DOCK6: variants seen among roughly 807,000 people sequenced by gnomAD.
DOCK6 encodes the protein dedicator of cytokinesis protein 6.
A neutral mutation model predicts 230.3 loss-of-function variants in DOCK6; 167 were observed. The ratio of observed to expected loss-of-function variants is 0.73; its 90% CI spans 0.64 to 0.82. The LOEUF (loss-of-function observed/expected upper bound fraction) is 0.82, where lower values mean the gene tolerates loss of function less well. DOCK6 is among the 40% of genes least tolerant of loss of function. The pLI, the probability that DOCK6 is intolerant of heterozygous loss-of-function variation, is 0.00. For missense variants in DOCK6, 2,598 were observed against 2,825.8 expected, an observed-to-expected ratio of 0.92 and a Z score of 1.83; for synonymous variants, 1,148 against 1,185.0, an observed-to-expected ratio of 0.97 and a Z score of 0.64.
At position 11,229,009 on chromosome 19, in the gene DOCK6, C is replaced by G; in HGVS notation, c.2745G>C (p.Gln915His). 6.2e-7 allele frequency: 1 copy of G among 1,613,694 alleles called. No homozygotes were observed. The highest frequency in any genetic ancestry group is 2.2e-5 in the East Asian group (1 of 44,876). Residue 915 changes from glutamine to histidine, a missense_variant, in exon 23 of 48, where the codon CAG (glutamine) becomes CAC (histidine). Physicochemically the swap from Gln to His is conservative, Grantham distance 24. Transcript: ENST00000294618. ...SKLLHEELAL[Q>H]WVVSSSAVRE... is the part of the protein sequence containing the mutation. ...GTACGGCACTGCTGCTGACCACCCACTGCAGAGCCAGCTCCTCGTGAAGCA... is the reference window on the plus strand; with the variant it reads ...GTACGGCACTGCTGCTGACCACCCAGTGCAGAGCCAGCTCCTCGTGAAGCA...
intron 15 of DOCK6, 29 bp downstream of exon 15, chr19:11,238,158 C>T (rs956606430): frequency 2.0e-5 from 32 of 1,613,394 alleles, no homozygotes; most frequent in Non-Finnish European, 2.6e-5. Context: ...GGATGCCCTA[C>T]CCCCCTTCCC....
At chr19:11,207,886 C>T (rs368091733) in intron 39 of DOCK6, among the ~76,000 whole-genome samples, 27 of 152,104 alleles carry the variant, frequency 1.8e-4, no homozygotes, top group East Asian at 5.8e-4. Flanking sequence ...GCCATGATCA[C>T]GCCACCGCAC....
Position 11,243,540 on chromosome 19 carries a change from T to C in DOCK6, c.1258+17A>G, listed in dbSNP as rs749190939. On this transcript the variant is annotated intron_variant, in intron 11 of 47. Coordinates refer to ENST00000294618, the MANE Select transcript of DOCK6 (RefSeq NM_020812.4). The surrounding 1 kb of genome is among the most constrained non-coding windows in gnomAD (Gnocchi z 6.3). ...CCCTTTAGCCCCGCCCCAAGCCTGT[T>C]AGCCCCGCCTCCTCACCGCCCTCCG... 20 of 1,585,214 alleles carry C rather than the reference T, an allele frequency of 1.3e-5. No homozygotes were observed. The South Asian group carries it at 2.1e-4, about 16-fold the overall frequency.
chr19:11,222,720 G>A lies in DOCK6; in HGVS notation c.3240+15C>T, dbSNP rs766845216. On this transcript the variant is annotated intron_variant, in intron 26 of 47. Transcript: ENST00000294618. The surrounding 1 kb of genome is among the most constrained non-coding windows in gnomAD (Gnocchi z 4.0). ...TGTAGGTCAAAGAGAGGAGGCAGAA[G>A]TGAAGGCAGCCCACCTGGGAGGTGG... The A allele has an allele frequency of 6.4e-6, 10 of 1,558,096 alleles. No individual in the cohort carries two copies. The South Asian group carries it at 1.1e-4, about 17-fold the overall frequency.
chr19:11,227,274 C>G lies in DOCK6; in HGVS notation c.2955+63G>C, dbSNP rs118181012. 3,395 of 1,588,552 alleles carry G rather than the reference C, an allele frequency of 2.1e-3. 114 individuals are homozygous for G. The East Asian group carries it at 0.068, about 32-fold the overall frequency. On this transcript the variant is annotated intron_variant, in intron 24 of 47. Transcript: ENST00000294618. ...AGACACTGGGCAGGATTGGCGCCCC[C>G]ACCTGGCTGGCTCTATGTCCTCCCT...
At chr19:11,255,092 T>C (rs2080177764) in intron 1 of DOCK6, among the ~76,000 whole-genome samples, 1 of 151,864 alleles carries the variant, frequency 6.6e-6, no homozygotes, top group Non-Finnish European at 1.5e-5. Context: ...CAACACCTGC[T>C]TCCCGGGTTC....
chr19:11,234,624 CCT>C (rs2079818891), intron 21 of DOCK6, among the ~76,000 whole-genome samples: 1 of 143,998 alleles, frequency 6.9e-6, no homozygotes, highest in East Asian at 2.0e-4. Flanking sequence ...TATTATTATC[CCT>C]GTTTTACAAA....
chr19:11,252,647 G>A, intron 3 of DOCK6, 97 bp from the exon 4 acceptor site: 1 of 1,595,048 alleles, frequency 6.3e-7, no homozygotes, highest in South Asian at 1.1e-5. Flanking sequence ...TTCCAGACAA[G>A]GGGAGATGGA....
Position 11,235,591 on chromosome 19 carries a change from AACTC to A in DOCK6, c.2554+3_2554+6del, listed in dbSNP as rs2079832674. 6.3e-7 allele frequency: 1 copy of A among 1,577,434 alleles called. No homozygotes were observed. Among genetic ancestry groups the A allele is most frequent in the Non-Finnish European group, 8.6e-7 (1 of 1,157,058 alleles). On this transcript the variant is annotated splice_donor_5th_base_variant and intron_variant, in intron 21 of 47. Coordinates refer to ENST00000294618, the MANE Select transcript of DOCK6 (RefSeq NM_020812.4). The stretch of plus-strand genomic sequence containing the variant: ...TTCTCGTCTCACAGGGATTTCTACA[AACTC>A]ACCATCCGGGAGGCTGGGCTCAGTG...
At chr19:11,248,652 G>A (rs1419778693) in intron 6 of DOCK6, among the ~76,000 whole-genome samples, 3 of 152,118 alleles carry the variant, frequency 2.0e-5, no homozygotes, top group African/African-American at 7.2e-5. Context: ...AGGAGCCATG[G>A]TGGCTGGGAC....
chr19:11,204,882 A>G (rs2079230957), intron 39 of DOCK6, among the ~76,000 whole-genome samples: 1 of 152,184 alleles, frequency 6.6e-6, no homozygotes, highest in Non-Finnish European at 1.5e-5. Context: ...TGGCACAGGT[A>G]CGATGTACAT....
At chr19:11,205,732 C>A (rs960408739) in intron 39 of DOCK6, 2 of 151,918 alleles carry the variant, frequency 1.3e-5, no homozygotes, top group Non-Finnish European at 2.9e-5. Context: ...GCCTCGGCCT[C>A]CAAAGTGCTG....
chr19:11,247,740 A>G (rs1301643616), intron 7 of DOCK6: 2 of 208,114 alleles, frequency 9.6e-6, no homozygotes, highest in Non-Finnish European at 2.0e-5. Context: ...CAGCCTTACA[A>G]GTTGTATGGT....
intron 37 of DOCK6, among the ~76,000 whole-genome samples, chr19:11,211,228 G>A (rs764982552): frequency 6.6e-6 from 1 of 151,166 alleles, no homozygotes; most frequent in Non-Finnish European, 1.5e-5. Flanking sequence ...TGAGTCACCT[G>A]AACTCACTAT....
At chr19:11,226,095 G>T (rs942630307) in intron 24 of DOCK6, among the ~76,000 whole-genome samples, 2 of 152,068 alleles carry the variant, frequency 1.3e-5, no homozygotes, top group Non-Finnish European at 2.9e-5. Flanking sequence ...CATTCCTGCA[G>T]GGTTTCTGTT....
chr19:11,227,284 G>A, intron 24 of DOCK6, 53 bp downstream of exon 24: 1 of 1,597,852 alleles, frequency 6.3e-7, no homozygotes, highest in Non-Finnish European at 8.6e-7. Context: ...CACCTGGCTG[G>A]CTCTATGTCC....
chr19:11,203,024 G>A (rs940240378), intron 41 of DOCK6, among the ~76,000 whole-genome samples: 1 of 152,136 alleles, frequency 6.6e-6, no homozygotes. Context: ...TGCCTCCTTT[G>A]TTCTAGGGCA....
Position 11,253,730 on chromosome 19 carries a change from G to A in DOCK6, c.45-4C>T. 6.8e-7 allele frequency: 1 copy of A among 1,475,266 alleles called. No homozygotes were observed. 91.4% of individuals were successfully genotyped at this position (1,475,266 alleles called of 1,614,324 possible). A position where few individuals can be genotyped will look rare whatever the true frequency, so the allele number is the denominator to read the frequency against. ...CCGCACCTCTGCGGCCACCGTCCTG[G>A]AAAGATAGGGAGGGGGCCATTGGGG... On this transcript the variant is annotated splice_polypyrimidine_tract_variant and splice_region_variant and intron_variant, in intron 1 of 47. Transcript: ENST00000294618.
intron 24 of DOCK6, 21 bp from the exon 25 acceptor site, chr19:11,223,127 C>T (rs2079608474): frequency 6.2e-7 from 1 of 1,607,362 alleles, no homozygotes; most frequent in African/African-American, 1.3e-5. Context: ...AGGTGCCTGT[C>T]AACCCACACA....
Sources: allele counts gnomAD v4.1 joint callset (sites outside exome capture counted in the v4.1 genomes callset), GRCh38; gene constraint gnomAD v4.1.1; non-coding constraint Gnocchi (gnomAD v3.1); transcripts MANE v1.5; gene names NCBI Gene and HGNC (gene_info 2026-07-23, HGNC 2026-07-21).